Variants in ATXN2 observed in about 807,000 individuals in gnomAD.
ATXN2 encodes ataxin 2, also known as ataxin-2.
Under a neutral mutation model 138.6 loss-of-function variants are expected in ATXN2, and 37 were observed. That is an observed-to-expected ratio of 0.27 (90% CI 0.21 to 0.35). ATXN2 has a LOEUF of 0.35. Ranked by LOEUF, ATXN2 falls within the 10% of genes least tolerant of loss-of-function variation. ATXN2 has a pLI of 1.00. For missense variants in ATXN2, 1,216 were observed against 1,480.3 expected (o/e 0.82, Z 2.93); for synonymous variants, 549 against 543.7 (o/e 1.01, Z -0.13).
At chr12:111,559,780 A>C (rs888173255) in intron 1 of ATXN2, among the ~76,000 whole-genome samples, 4 of 151,480 alleles carry the variant, frequency 2.6e-5, no homozygotes, top group South Asian at 2.1e-4. Context: ...CAAAAAACAA[A>C]AAAAAAAAAA....
chr12:111,485,227 T>G, intron 18 of ATXN2, 38 bp downstream of exon 18: 1 of 1,568,868 alleles, frequency 6.4e-7, no homozygotes, highest in Non-Finnish European at 8.7e-7. Flanking sequence ...TCATGCAGCA[T>G]GCAAACTACA....
Position 111,598,544 on chromosome 12 carries a change from C to CT in ATXN2, c.251+239_251+240insA. ...AGGCCGCCCGCTCCCTCCATCTTGACCGCCGGGGGAGGGGGCGGGGATGCT... is the reference window on the plus strand; with the variant it reads ...AGGCCGCCCGCTCCCTCCATCTTGACTCGCCGGGGGAGGGGGCGGGGATGCT... On this transcript the variant is annotated intron_variant, in intron 1 of 24. Coordinates refer to ENST00000673436, the MANE Select transcript of ATXN2 (RefSeq NM_001372574.1). The surrounding 1 kb of genome is among the most constrained non-coding windows in gnomAD (Gnocchi z 4.5). 1.0e-6 allele frequency: 1 copy of CT among 985,244 alleles called. No homozygotes were observed. Among genetic ancestry groups the CT allele is most frequent in the South Asian group, 4.7e-5 (1 of 21,288 alleles). The allele number at this position is 985,244 out of a possible 1,614,324, so 61.0% of individuals were successfully genotyped here.
At chr12:111,523,415 A>C (rs1485448589) in intron 6 of ATXN2, among the ~76,000 whole-genome samples, 1 of 151,790 alleles carries the variant, frequency 6.6e-6, no homozygotes, top group African/African-American at 2.4e-5. Context: ...CATGTTTCCA[A>C]TTTTTCACTA....
intron 1 of ATXN2, among the ~76,000 whole-genome samples, chr12:111,583,301 T>G (rs1294001528): frequency 6.6e-6 from 1 of 152,136 alleles, no homozygotes; most frequent in African/African-American, 2.4e-5. Context: ...AAGGAAGATA[T>G]TCTTTCTCTT....
chr12:111,456,209 C>G lies in ATXN2; in HGVS notation c.3090G>C (p.Gln1030His). 6.2e-7 allele frequency: 1 copy of G among 1,614,252 alleles called. No homozygotes were observed. Among genetic ancestry groups the G allele is most frequent in the Non-Finnish European group, 8.5e-7 (1 of 1,180,048 alleles). ...AAQALHLASP[Q>H]QQSAIYHAGL... ...CCGCGTGGTAAATGGCTGACTGCTG[C>G]TGTGGACTGGCCAGATGGAGAGCCT... Residue 1030 changes from glutamine (Q) to histidine (H), a missense_variant, in exon 23 of 25, where the codon CAG becomes CAC. Coordinates refer to ENST00000673436, the MANE Select transcript of ATXN2 (RefSeq NM_001372574.1).
At chr12:111,515,609 C>T (rs1167751724) in intron 10 of ATXN2, among the ~76,000 whole-genome samples, 1 of 152,100 alleles carries the variant, frequency 6.6e-6, no homozygotes, top group Non-Finnish European at 1.5e-5. Context: ...GCAAAGCTAA[C>T]TTTAAAAAAA....
chr12:111,526,165 G>T (rs908039403), intron 5 of ATXN2, among the ~76,000 whole-genome samples: 2 of 151,480 alleles, frequency 1.3e-5, no homozygotes, highest in Non-Finnish European at 2.9e-5. Flanking sequence ...AGACCATCCT[G>T]GCCAACATGG....
chr12:111,490,768 C>A (rs989023497), intron 14 of ATXN2, among the ~76,000 whole-genome samples: 3 of 152,140 alleles, frequency 2.0e-5, no homozygotes, highest in African/African-American at 4.8e-5. Flanking sequence ...CATTCCCCCA[C>A]AATGCAGTGT....
chr12:111,502,437 C>CT (rs924905736), intron 14 of ATXN2, among the ~76,000 whole-genome samples: 45 of 150,400 alleles, frequency 3.0e-4, no homozygotes, highest in African/African-American at 1.0e-3. Context: ...CTTTTTTTTT[C>CT]TTTTTTTTGG....
At chr12:111,497,535 G>A (rs1461742245) in intron 14 of ATXN2, among the ~76,000 whole-genome samples, 2 of 151,732 alleles carry the variant, frequency 1.3e-5, no homozygotes, top group Non-Finnish European at 2.9e-5. Context: ...TGACTAAGTG[G>A]GATTCATCCC....
At chr12:111,529,647 C>T (rs535257527) in intron 5 of ATXN2, among the ~76,000 whole-genome samples, 1 of 152,116 alleles carries the variant, frequency 6.6e-6, no homozygotes, top group East Asian at 1.9e-4. Flanking sequence ...AGAAATGTCT[C>T]GACCAACGTG....
At chr12:111,464,624 C>G in intron 21 of ATXN2, 38 bp downstream of exon 21, 1 of 1,520,376 alleles carries the variant, frequency 6.6e-7, no homozygotes, top group South Asian at 1.1e-5. Context: ...AAGTGTTTTA[C>G]TGTACAATTA....
intron 21 of ATXN2, among the ~76,000 whole-genome samples, chr12:111,464,244 T>TGG (rs763591135): frequency 0.015 from 1,850 of 124,388 alleles, 38 homozygotes; most frequent in African/African-American, 0.058. Flanking sequence ...GCTTGTGGCT[T>TGG]GGGGTGTGTG....
Position 111,598,935 on chromosome 12 carries a change from C to A in ATXN2, c.100G>T (p.Ala34Ser), listed in dbSNP as rs974441704. The change falls in exon 1 of 25, where the codon GCC becomes TCC. Residue 34 changes from alanine (A) to serine (S), a missense_variant. By Grantham distance (99) the Ala-to-Ser change is moderately conservative (BLOSUM62 1). Coordinates refer to ENST00000673436, the MANE Select transcript of ATXN2 (RefSeq NM_001372574.1). The surrounding 1 kb of genome is among the most constrained non-coding windows in gnomAD (Gnocchi z 4.5). ...QQQQQPPPAA[A>S]NVRKPGGSGL... ...CTGCCGCCGGGCTTGCGGACATTGG[C>A]AGCCGCGGGCGGCGGCTGCTGCTGC... 2.0e-5 allele frequency: 30 copies of A among 1,510,650 alleles called. No individual in the cohort carries two copies. The African/African-American group carries it at 4.1e-4, about 21-fold the overall frequency. 93.6% of individuals were successfully genotyped at this position (1,510,650 alleles called of 1,614,324 possible).
In ATXN2 at chr12:111,573,565, C is replaced by A. The variant is rs1883458744; in HGVS notation, c.252-17646G>T. On this transcript the variant is annotated intron_variant, in intron 1 of 24. Coordinates refer to ENST00000673436, the MANE Select transcript of ATXN2 (RefSeq NM_001372574.1). ...AAGCAATGGAACAGTTATTAAAAAG[C>A]AAAGACTTTGAAATCTCACAAGGTT... Among the ~76,000 whole-genome samples the A allele has an allele frequency of 2.0e-5, 3 of 152,310 alleles. No individual in the cohort carries two copies. In the South Asian group the frequency reaches 6.2e-4, roughly 32 times the overall value.
At position 111,484,162 on chromosome 12, in the gene ATXN2, G is replaced by A. The variant is rs187755129; in HGVS notation, c.2524+1103C>T. Reference sequence around the variant, plus strand: ...CTTCAAAAGAAATTCTGGCTTTGGGGAAATAACTGTAGGTATATATAAAGC... The same window carrying A: ...CTTCAAAAGAAATTCTGGCTTTGGGAAAATAACTGTAGGTATATATAAAGC... On this transcript the variant is annotated intron_variant, in intron 18 of 24. Coordinates refer to ENST00000673436, the MANE Select transcript of ATXN2 (RefSeq NM_001372574.1). 1.1e-3 allele frequency among the ~76,000 whole-genome samples: 170 copies of A among 152,156 alleles called. 1 individual carries two copies. The highest frequency in any genetic ancestry group is 3.1e-4 in the Non-Finnish European group (21 of 68,014).
At chr12:111,464,617 T>C in intron 21 of ATXN2, 45 bp downstream of exon 21, 1 of 1,472,742 alleles carries the variant, frequency 6.8e-7, no homozygotes, top group Non-Finnish European at 9.5e-7. Context: ...CTTTAAAAAG[T>C]GTTTTACTGT....
At chr12:111,482,190 ATTTT>A (rs1164424839) in intron 18 of ATXN2, among the ~76,000 whole-genome samples, 1,424 of 101,384 alleles carry the variant, frequency 0.014, 24 homozygotes, top group African/African-American at 0.054. Flanking sequence ...TTTCTCTACT[ATTTT>A]TTTTTTTTTT....
chr12:111,469,539 A>G (rs563441006), intron 20 of ATXN2: 1 of 152,258 alleles, frequency 6.6e-6, no homozygotes, highest in Non-Finnish European at 1.5e-5. Flanking sequence ...AATACTTCTC[A>G]TTTTCATTTC....
Sources: allele counts gnomAD v4.1 joint callset (sites outside exome capture counted in the v4.1 genomes callset), GRCh38; gene constraint gnomAD v4.1.1; non-coding constraint Gnocchi (gnomAD v3.1); transcripts MANE v1.5; gene names NCBI Gene and HGNC (gene_info 2026-07-23, HGNC 2026-07-21).